NOTCH3: variants seen among roughly 807,000 people sequenced by gnomAD.
NOTCH3 encodes the protein notch receptor 3.
Under a neutral mutation model 213.3 loss-of-function variants are expected in NOTCH3, and 86 were observed. That is an observed-to-expected ratio of 0.40 (90% CI 0.34 to 0.48). The LOEUF (loss-of-function observed/expected upper bound fraction) is 0.48. Among genes scored for constraint, NOTCH3 ranks in the 20% least tolerant of loss-of-function variants. The pLI is 0.57. For synonymous variants in NOTCH3, 1,354 were observed against 1,355.9 expected (o/e 1.00, Z 0.03); for missense variants, 2,783 against 3,272.6 (o/e 0.85, Z 3.65).
At position 15,174,349 on chromosome 19, in the gene NOTCH3, G is replaced by C. The variant is rs552265898; in HGVS notation, c.4455C>G (p.Asp1485Glu). 6.5e-7 allele frequency: 1 copy of C among 1,548,564 alleles called. No individual in the cohort carries two copies. Among genetic ancestry groups the C allele is most frequent in the Non-Finnish European group, 8.7e-7 (1 of 1,145,190 alleles). ...CADHFADGRC[D>E]QGCNTEECGW... ...CGCACTCCTCCGTGTTGCAGCCCTG[G>C]TCGCAGCGGCCGTCGGCAAAGTGGT... The change falls in exon 25 of 33, where the codon GAC becomes GAG. Residue 1485 changes from aspartate to glutamate, a missense_variant. This residue lies in a region of NOTCH3 where 636 missense variants were observed against 801.8 expected (regional missense o/e 0.79). Coordinates refer to ENST00000263388, the MANE Select transcript of NOTCH3 (RefSeq NM_000435.3).
At chr19:15,180,598 C>G (rs2046831112) in intron 19 of NOTCH3, 83 bp downstream of exon 19, 1 of 1,475,990 alleles carries the variant, frequency 6.8e-7, no homozygotes, top group Admixed American at 2.0e-5. Flanking sequence ...CTGTGGCACC[C>G]CCATTCGGCT....
At position 15,165,946 on chromosome 19, in the gene NOTCH3, G is replaced by A. The variant is rs142343505; in HGVS notation, c.5508C>T (p.Asp1836=). The A allele has an allele frequency of 8.0e-5, 129 of 1,614,202 alleles. No individual in the cohort carries two copies. Among genetic ancestry groups the A allele is most frequent in the Non-Finnish European group, 9.7e-5 (115 of 1,180,032 alleles). ...GGTGCAAAGCAGTCTCGCCAGTACG[G>A]TCAGTCCGTGCCCCAAGCTGAGCCC... ...CQGAQLGART[D]RTGETALHLA... Residue 1836 remains aspartate (D), a synonymous_variant, in exon 30 of 33, where the codon GAC becomes GAT. Coordinates refer to ENST00000263388, the MANE Select transcript of NOTCH3 (RefSeq NM_000435.3). This position sits in a 1 kb window ranked among gnomAD's most constrained non-coding sequence, Gnocchi z 4.7.
chr19:15,181,881 G>T, intron 16 of NOTCH3, 80 bp from the exon 17 acceptor site: 1 of 1,245,988 alleles, frequency 8.0e-7, no homozygotes, highest in Non-Finnish European at 1.1e-6. Flanking sequence ...CTTGGATTGA[G>T]AAGAATTCAG....
Position 15,174,127 on chromosome 19 carries a change from G to T in NOTCH3, c.4677C>A (p.His1559Gln). ...GGGGTTCGGAGCCAGGACTAGGCCG[G>T]TGGTAAGGGAAGACCATGGCCTGGC... is the stretch of plus-strand genomic sequence containing the variant. The part of the protein sequence containing the change: ...AHGQAMVFPY[H>Q]RPSPGSEPRA... The change falls in exon 25 of 33, where the codon CAC becomes CAA. Residue 1559 changes from histidine (H) to glutamine (Q), a missense_variant. By Grantham distance (24) the His-to-Gln change is conservative. Coordinates refer to ENST00000263388, the MANE Select transcript of NOTCH3 (RefSeq NM_000435.3). The T allele has an allele frequency of 1.9e-6, 3 of 1,604,800 alleles. No individual in the cohort carries two copies. The highest frequency in any genetic ancestry group is 2.6e-6 in the Non-Finnish European group (3 of 1,174,640).
chr19:15,199,837 C>T (rs2046997362), intron 1 of NOTCH3, among the ~76,000 whole-genome samples: 1 of 152,006 alleles, frequency 6.6e-6, no homozygotes, highest in Admixed American at 6.5e-5. Flanking sequence ...ACACTGGCGT[C>T]TGGGACCCCT....
At chr19:15,162,814 T>G (rs1300934870) in intron 31 of NOTCH3, among the ~76,000 whole-genome samples, 2 of 151,680 alleles carry the variant, frequency 1.3e-5, no homozygotes, top group Admixed American at 6.6e-5. Flanking sequence ...CATGACTGTT[T>G]ATACACAGGG....
chr19:15,180,685 C>G lies in NOTCH3; in HGVS notation c.3138G>C (p.Gln1046His), dbSNP rs774701967. The G allele has an allele frequency of 6.4e-7, 1 of 1,553,526 alleles. No homozygotes were observed. Among genetic ancestry groups the G allele is most frequent in the Non-Finnish European group, 8.7e-7 (1 of 1,150,578 alleles). Residue 1046 changes from glutamine (Q) to histidine (H), a missense_variant, in exon 19 of 33, where the codon CAG becomes CAC. Physicochemically the swap from Gln to His is conservative, Grantham distance 24 (BLOSUM62 0). Coordinates refer to ENST00000263388, the MANE Select transcript of NOTCH3 (RefSeq NM_000435.3). ...RSLPCREAAA[Q>H]IGVRLEQLCQ... Reference sequence around the variant, plus strand: ...CGCCCACATGCTCCCACTCACCGATCTGGGCTGCGGCCTCCCTGCAGGGCA... The same window carrying G: ...CGCCCACATGCTCCCACTCACCGATGTGGGCTGCGGCCTCCCTGCAGGGCA...
Position 15,184,331 on chromosome 19 carries a change from G to A in NOTCH3, c.2530C>T (p.Pro844Ser), listed in dbSNP as rs375223296. ...SCTCHGGYTG[P>S]SCDQDINDCD... is the part of the protein sequence containing the mutation. ...TCATTGATGTCCTGATCGCAGGAAG[G>A]GCCAGTGTACCCTCCATGGCAGGTG... Residue 844 changes from proline (P) to serine (S), a missense_variant, in exon 16 of 33, where the codon CCT becomes TCT. Coordinates refer to ENST00000263388, the MANE Select transcript of NOTCH3 (RefSeq NM_000435.3). 1.5e-5 allele frequency: 25 copies of A among 1,613,860 alleles called. No homozygotes were observed. The highest frequency in any genetic ancestry group is 2.0e-5 in the Non-Finnish European group (24 of 1,179,996).
rs1309603081 is a variant in NOTCH3, at chr19:15,170,253, G to A, written c.5114+78C>T. The A allele has an allele frequency of 3.4e-5, 51 of 1,516,042 alleles. No individual in the cohort carries two copies. The Admixed American group carries it at 7.3e-4, about 22-fold the overall frequency. The allele number at this position is 1,516,042 out of a possible 1,614,324, so 93.9% of individuals were successfully genotyped here. A position where few individuals can be genotyped will look rare whatever the true frequency, so the allele number is the denominator to read the frequency against. ...AGGAGGATTTGGGGTGGGGTCAGAGGTCTGAGTCAGGTCAAGGCGGGGTCC... is the reference window on the plus strand; with the variant it reads ...AGGAGGATTTGGGGTGGGGTCAGAGATCTGAGTCAGGTCAAGGCGGGGTCC... On this transcript the variant is annotated intron_variant, in intron 27 of 32. Transcript: ENST00000263388.
At chr19:15,180,321 C>A (rs1395492151) in intron 19 of NOTCH3, 65 bp from the exon 20 acceptor site, 1 of 1,549,810 alleles carries the variant, frequency 6.5e-7, no homozygotes, top group African/African-American at 1.4e-5. Flanking sequence ...GCCTCCATCA[C>A]ACAGATCATT....
intron 12 of NOTCH3, 52 bp downstream of exon 12, chr19:15,186,826 G>T: frequency 6.9e-7 from 1 of 1,445,074 alleles, no homozygotes; most frequent in Non-Finnish European, 9.7e-7. Flanking sequence ...ACAGAGACGA[G>T]TGACTTCACC....
Position 15,185,214 on chromosome 19 carries a change from C to T in NOTCH3, c.2296+43G>A. 6.2e-7 allele frequency: 1 copy of T among 1,608,314 alleles called. No homozygotes were observed. Among genetic ancestry groups the T allele is most frequent in the Non-Finnish European group, 8.5e-7 (1 of 1,175,980 alleles). On this transcript the variant is annotated intron_variant, in intron 14 of 32. Coordinates refer to ENST00000263388, the MANE Select transcript of NOTCH3 (RefSeq NM_000435.3). This position sits in a 1 kb window ranked among gnomAD's most constrained non-coding sequence, Gnocchi z 4.2. ...TAGAGGAGAAGAGAGATGAGAAGGC[C>T]CATGGTGTTGGTGGGGCTGCAGAGG...
At chr19:15,178,682 G>T in intron 23 of NOTCH3, 141 bp downstream of exon 23, 1 of 713,994 alleles carries the variant, frequency 1.4e-6, no homozygotes, top group East Asian at 2.7e-5. Flanking sequence ...ACCACACCCG[G>T]CGGAAATGTC....
At chr19:15,186,827 T>C (rs2145432134) in intron 12 of NOTCH3, 51 bp downstream of exon 12, 2 of 1,441,014 alleles carry the variant, frequency 1.4e-6, no homozygotes, top group South Asian at 2.3e-5. Context: ...CAGAGACGAG[T>C]GACTTCACCC....
chr19:15,198,976 C>A (rs1454742429), intron 1 of NOTCH3, among the ~76,000 whole-genome samples: 2 of 152,120 alleles, frequency 1.3e-5, no homozygotes, highest in Non-Finnish European at 1.5e-5. Context: ...CAGAATCTGT[C>A]GAGCTGAACC....
intron 12 of NOTCH3, among the ~76,000 whole-genome samples, chr19:15,186,377 GTA>G (rs1261377577): frequency 8.0e-4 from 46 of 57,798 alleles, no homozygotes; most frequent in Middle Eastern, 7.9e-3. Flanking sequence ...GTTTGTTTTT[GTA>G]TGTGTGTGTG....
intron 15 of NOTCH3, 37 bp from the exon 16 acceptor site, chr19:15,184,487 G>A: frequency 6.2e-7 from 1 of 1,610,402 alleles, no homozygotes; most frequent in Middle Eastern, 1.8e-4. Flanking sequence ...TAGGGTTACA[G>A]GGTACAGAGC....
rs2046642758 is a variant in NOTCH3 at position 15,161,506 on chromosome 19, G to A, written c.6122C>T (p.Pro2041Leu). 6.3e-7 allele frequency: 1 copy of A among 1,589,964 alleles called. No individual in the cohort carries two copies. Residue 2041 changes from proline (P) to leucine (L), a missense_variant, in exon 33 of 33, where the codon CCT (proline) becomes CTT (leucine). Physicochemically the swap from Pro to Leu is moderately conservative, Grantham distance 98. Coordinates refer to ENST00000263388, the MANE Select transcript of NOTCH3 (RefSeq NM_000435.3). ...GAAGGCCCCTGGAGGACAGAGCAGA[G>A]GCCCCAGGCCGTGGGGACCGGGGGG... ...RSPPGPHGLG[P>L]LLCPPGAFLP... is the part of the protein sequence containing the mutation.
intron 24 of NOTCH3, 40 bp downstream of exon 24, chr19:15,177,485 G>A: frequency 6.4e-7 from 1 of 1,568,540 alleles, no homozygotes; most frequent in South Asian, 1.1e-5. Context: ...GACTGGGATG[G>A]ATGCATAGAC....
Sources: gnomAD v4.1 joint callset for allele counts (sites outside exome capture counted in the v4.1 genomes callset) on GRCh38, gnomAD v4.1.1 for gene constraint, gnomAD v4.1.1 regional missense constraint, Gnocchi (gnomAD v3.1) non-coding constraint, MANE v1.5 for transcripts, NCBI Gene and HGNC (gene_info 2026-07-23, HGNC 2026-07-21) for gene names.